The following PAK4 variants were observed in gnomAD, a reference collection of about 807,000 sequenced individuals.
The protein encoded by PAK4 is serine/threonine-protein kinase PAK 4.
A neutral mutation model predicts 53.5 loss-of-function variants in PAK4; 49 were observed. That is an observed-to-expected ratio of 0.92 (90% confidence interval 0.73 to 1.16). The LOEUF (loss-of-function observed/expected upper bound fraction) is 1.16, where lower values mean the gene tolerates loss of function less well. PAK4 is among the 50% of genes most tolerant of loss of function. PAK4 has a pLI of 0.00. For synonymous variants in PAK4, 376 were observed against 375.6 expected (o/e 1.00, Z -0.01); for missense variants, 824 against 850.7 (o/e 0.97, Z 0.39).
At chr19:39,155,339 C>T (rs1046056607) in intron 1 of PAK4, among the ~76,000 whole-genome samples, 2 of 152,118 alleles carry the variant, frequency 1.3e-5, no homozygotes, top group African/African-American at 2.4e-5. Flanking sequence ...GAATGAGAGG[C>T]GGGCAAGCTG....
chr19:39,166,982 T>C (rs2074386271), intron 1 of PAK4, among the ~76,000 whole-genome samples: 1 of 152,180 alleles, frequency 6.6e-6, no homozygotes, highest in Non-Finnish European at 1.5e-5. Flanking sequence ...GCGTGCCCCT[T>C]GCCCCCTTCC....
At chr19:39,150,836 G>A (rs896535001) in intron 1 of PAK4, among the ~76,000 whole-genome samples, 4 of 152,204 alleles carry the variant, frequency 2.6e-5, no homozygotes, top group Admixed American at 6.5e-5. Flanking sequence ...CACCGTCCCC[G>A]TTCAGGCCTG....
chr19:39,132,762 T>C (rs1053271762), intron 1 of PAK4, among the ~76,000 whole-genome samples: 2 of 152,212 alleles, frequency 1.3e-5, no homozygotes, highest in Non-Finnish European at 2.9e-5. Flanking sequence ...TGGCTCACAC[T>C]CCCACCCCCC....
intron 1 of PAK4, among the ~76,000 whole-genome samples, chr19:39,134,067 G>T (rs1600305703): frequency 6.6e-6 from 1 of 152,220 alleles, no homozygotes; most frequent in Middle Eastern, 3.4e-3. Flanking sequence ...CTCCTTCCCT[G>T]CCGCCCACAG....
In PAK4 at chr19:39,173,658, C is replaced by T; in HGVS notation, c.746C>T (p.Pro249Leu). The T allele has an allele frequency of 1.3e-6, 2 of 1,587,260 alleles. No individual in the cohort carries two copies. The highest frequency in any genetic ancestry group is 1.7e-6 in the Non-Finnish European group (2 of 1,164,912). Reference sequence around the variant, plus strand: ...CAGTCCTCCTCCTCCTCCTCCCGGCCTCCCACCCGAGCCCGAGGTGCCCCC... The same window carrying T: ...CAGTCCTCCTCCTCCTCCTCCCGGCTTCCCACCCGAGCCCGAGGTGCCCCC... The change falls in exon 4 of 9, where the codon CCT becomes CTT. Residue 249 changes from proline (P) to leucine (L), a missense_variant. This residue lies in a region of PAK4 where 478 missense variants were observed against 435.8 expected (regional missense o/e 1.10). Coordinates refer to ENST00000358301, the Ensembl canonical transcript of PAK4. This position sits in a 1 kb window ranked among gnomAD's most constrained non-coding sequence, Gnocchi z 6.9.
intron 1 of PAK4, among the ~76,000 whole-genome samples, chr19:39,159,354 C>T (rs891784832): frequency 6.6e-6 from 1 of 152,150 alleles, no homozygotes; most frequent in African/African-American, 2.4e-5. Flanking sequence ...AAAATTACAG[C>T]TGTGACAGAT....
chr19:39,153,197 C>A (rs1377932713), intron 1 of PAK4, among the ~76,000 whole-genome samples: 1 of 152,026 alleles, frequency 6.6e-6, no homozygotes, highest in East Asian at 1.9e-4. Flanking sequence ...CAGATGGTGC[C>A]AGCCTCCCCC....
rs1488397471 is a variant in PAK4 at position 39,173,174 on chromosome 19, C to T, written c.461C>T (p.Ala154Val). 23 of 1,540,512 alleles carry T rather than the reference C, an allele frequency of 1.5e-5. No homozygotes were observed. Among genetic ancestry groups the T allele is most frequent in the Middle Eastern group, 1.8e-4 (1 of 5,620 alleles). ...GGCGGCAGTGGTGACAGGCGACGGGCGGGGCCAGAGAAGAGGCCCAAGTCT... is the reference window on the plus strand; with the variant it reads ...GGCGGCAGTGGTGACAGGCGACGGGTGGGGCCAGAGAAGAGGCCCAAGTCT... Residue 154 changes from alanine to valine, a missense_variant, in exon 3 of 9, where the codon GCG becomes GTG. Coordinates refer to ENST00000358301, the Ensembl canonical transcript of PAK4. The surrounding 1 kb of genome is among the most constrained non-coding windows in gnomAD (Gnocchi z 6.9).
At chr19:39,145,130 A>G (rs2073978498) in intron 1 of PAK4, among the ~76,000 whole-genome samples, 1 of 152,086 alleles carries the variant, frequency 6.6e-6, no homozygotes, top group African/African-American at 2.4e-5. Flanking sequence ...GTGAATTGTG[A>G]AAGATTTCAG....
chr19:39,137,880 A>C (rs4803211), intron 1 of PAK4, among the ~76,000 whole-genome samples: 37,827 of 151,636 alleles, frequency 0.25, 5,377 homozygotes, highest in East Asian at 0.49. Flanking sequence ...GTTAGCCAGG[A>C]TGGTCTCGAT....
intron 1 of PAK4, among the ~76,000 whole-genome samples, chr19:39,162,685 C>T (rs2074304274): frequency 6.6e-6 from 1 of 152,174 alleles, no homozygotes; most frequent in African/African-American, 2.4e-5. Context: ...TGATTTATCT[C>T]ATACATTGAC....
intron 1 of PAK4, among the ~76,000 whole-genome samples, chr19:39,143,114 C>T (rs1271621543): frequency 5.9e-5 from 9 of 152,008 alleles, no homozygotes; most frequent in Admixed American, 5.9e-4. Context: ...AGCACCTTGT[C>T]ACTCTCTGTC....
intron 1 of PAK4, among the ~76,000 whole-genome samples, chr19:39,143,867 G>T (rs2073953603): frequency 6.7e-6 from 1 of 149,004 alleles, no homozygotes; most frequent in Non-Finnish European, 1.5e-5. Flanking sequence ...AGCTACTCAG[G>T]AGGCTGAGGT....
chr19:39,156,308 C>T (rs2074180036), intron 1 of PAK4, among the ~76,000 whole-genome samples: 1 of 151,990 alleles, frequency 6.6e-6, no homozygotes, highest in Non-Finnish European at 1.5e-5. Context: ...CTATCCTGCA[C>T]CTAGTGGCCC....
intron 1 of PAK4, among the ~76,000 whole-genome samples, chr19:39,162,399 G>A (rs1056967821): frequency 5.9e-5 from 9 of 152,172 alleles, no homozygotes; most frequent in African/African-American, 2.2e-4. Context: ...GGGACCACAG[G>A]CGCACACCAC....
At chr19:39,142,242 C>T (rs2073922798) in intron 1 of PAK4, among the ~76,000 whole-genome samples, 1 of 152,176 alleles carries the variant, frequency 6.6e-6, no homozygotes, top group African/African-American at 2.4e-5. Context: ...GCTGATACAT[C>T]CTTGTGGTGT....
At chr19:39,176,188 A>G (rs999213390) in intron 6 of PAK4, among the ~76,000 whole-genome samples, 5 of 152,214 alleles carry the variant, frequency 3.3e-5, no homozygotes, top group African/African-American at 1.2e-4. Context: ...GTGTCCCCTC[A>G]CGGCCCTAGT....
At chr19:39,129,365 C>T (rs1666214525) in intron 1 of PAK4, among the ~76,000 whole-genome samples, 1 of 151,996 alleles carries the variant, frequency 6.6e-6, no homozygotes, top group African/African-American at 2.4e-5. Context: ...TCCGTTGGAG[C>T]TATAACCGTG....
At chr19:39,145,296 G>T (rs537630191) in intron 1 of PAK4, among the ~76,000 whole-genome samples, 1 of 152,282 alleles carries the variant, frequency 6.6e-6, no homozygotes, top group South Asian at 2.1e-4. Flanking sequence ...ACAGTGTCCC[G>T]CATTGTTCTG....
Sources: allele counts gnomAD v4.1 joint callset (sites outside exome capture counted in the v4.1 genomes callset), GRCh38; gene constraint gnomAD v4.1.1; regional missense constraint gnomAD v4.1.1; non-coding constraint Gnocchi (gnomAD v3.1); transcripts MANE v1.5; gene names NCBI Gene and HGNC (gene_info 2026-07-23, HGNC 2026-07-21).